Variants in PSD4 observed in about 807,000 individuals in gnomAD.
The protein encoded by PSD4 is PH and SEC7 domain-containing protein 4.
A neutral mutation model predicts 112.5 loss-of-function variants in PSD4; 59 were observed. The ratio of observed to expected loss-of-function variants is 0.52; its 90% confidence interval spans 0.43 to 0.65. The LOEUF (loss-of-function observed/expected upper bound fraction) is 0.65, where lower values mean the gene tolerates loss of function less well. Among genes scored for constraint, PSD4 ranks in the 30% least tolerant of loss-of-function variants. The probability of loss-of-function intolerance (pLI) is 0.00; values close to 1 mark genes in which losing one functional copy is unlikely to be tolerated. For synonymous variants in PSD4, 533 were observed against 540.0 expected, an observed-to-expected ratio of 0.99 and a Z score of 0.18; for missense variants, 1,267 against 1,352.6, an observed-to-expected ratio of 0.94 and a Z score of 0.99.
In PSD4 at chr2:113,201,325, G is replaced by C. The variant is rs567395358; in HGVS notation, c.3081G>C (p.Glu1027Asp). The change falls in exon 17 of 17, where the codon GAG becomes GAC. Residue 1027 changes from glutamate (E) to aspartate (D), a missense_variant. Physicochemically the swap from Glu to Asp is conservative, Grantham distance 45 (BLOSUM62 2). Transcript: ENST00000245796. ...CGAGCCCGTCCCTGCACCAGGATGA[G>C]GCTCCCACCACGGCCAAGGTGAAGC... ...SHSSPSLHQDEAPTTAKVKRN... is the reference protein window; with the variant it reads ...SHSSPSLHQDDAPTTAKVKRN... The C allele has an allele frequency of 1.2e-5, 20 of 1,614,210 alleles. No individual in the cohort carries two copies. In the South Asian group the frequency reaches 2.2e-4, roughly 18 times the overall value.
intron 15 of PSD4, 34 bp from the exon 16 acceptor site, chr2:113,199,049 C>T (rs1376616794): frequency 1.3e-6 from 2 of 1,514,220 alleles, no homozygotes; most frequent in South Asian, 1.2e-5. Context: ...AGGGGACGCC[C>T]GGGACAGCGC....
At position 113,197,654 on chromosome 2, in the gene PSD4, C is replaced by G. The variant is rs377454107; in HGVS notation, c.2457+20C>G. Reference sequence around the variant, plus strand: ...CTGAAGGTAGGAAAGGAGCCAACACCCCTGTCAGAATGGGAGACTGAGAGA... The same window carrying G: ...CTGAAGGTAGGAAAGGAGCCAACACGCCTGTCAGAATGGGAGACTGAGAGA... On this transcript the variant is annotated intron_variant, in intron 13 of 16. Transcript: ENST00000245796. The G allele has an allele frequency of 3.1e-6, 5 of 1,614,054 alleles. No individual in the cohort carries two copies. Among genetic ancestry groups the G allele is most frequent in the South Asian group, 1.1e-5 (1 of 91,076 alleles).
intron 10 of PSD4, 73 bp downstream of exon 10, chr2:113,194,021 G>A (rs1277471697): frequency 6.8e-7 from 1 of 1,468,774 alleles, no homozygotes. Flanking sequence ...CAAGGGAGAT[G>A]CTGAGCTTGG....
rs763748770 is a variant in PSD4, at chr2:113,185,780, A to C, written c.1250-97A>C. 5.8e-6 allele frequency: 9 copies of C among 1,551,560 alleles called. No homozygotes were observed. The Admixed American group carries it at 1.8e-4, about 30-fold the overall frequency. On this transcript the variant is annotated intron_variant, in intron 4 of 16. Coordinates refer to ENST00000245796, the MANE Select transcript of PSD4 (RefSeq NM_012455.3). ...AGGACAGGGCATGCTGCCAGGCTCC[A>C]GGGGAGGAGCCCCAGGGAGGGAGCC...
intron 5 of PSD4, among the ~76,000 whole-genome samples, chr2:113,189,773 A>G (rs1688400233): frequency 6.6e-6 from 1 of 152,168 alleles, no homozygotes; most frequent in Non-Finnish European, 1.5e-5. Flanking sequence ...AGTGATGTTG[A>G]GCATTTTTTC....
chr2:113,176,201 T>A (rs1219218494), intron 1 of PSD4, among the ~76,000 whole-genome samples: 1 of 152,046 alleles, frequency 6.6e-6, no homozygotes, highest in Non-Finnish European at 1.5e-5. Flanking sequence ...AGGCTGAGGG[T>A]GAAAAACAAA....
chr2:113,193,911 T>C lies in PSD4; in HGVS notation c.2144T>C (p.Leu715Pro), dbSNP rs1688528689. The change falls in exon 10 of 17, where the codon CTG (leucine) becomes CCG (proline). Residue 715 changes from leucine to proline, a missense_variant. By Grantham distance (98) the Leu-to-Pro change is moderately conservative. This residue lies in a region of PSD4 where 544 missense variants were observed against 648.6 expected (regional missense o/e 0.84). Transcript: ENST00000245796. ...CQEFITNLNGLRDGGNFPKEL... is the reference protein window; with the variant it reads ...CQEFITNLNGPRDGGNFPKEL... Reference sequence around the variant, plus strand: ...GAATTCATAACCAACCTGAATGGGCTGAGGGATGGCGGGAACTTCCCCAAG... The same window carrying C: ...GAATTCATAACCAACCTGAATGGGCCGAGGGATGGCGGGAACTTCCCCAAG... The C allele has an allele frequency of 6.2e-7, 1 of 1,614,110 alleles. No individual in the cohort carries two copies.
chr2:113,190,865 G>T (rs764302489), intron 5 of PSD4, among the ~76,000 whole-genome samples: 1 of 152,214 alleles, frequency 6.6e-6, no homozygotes, highest in Non-Finnish European at 1.5e-5. Flanking sequence ...TTTAGGCATT[G>T]TGTTTACTAT....
chr2:113,180,328 G>A (rs546739954), intron 1 of PSD4, among the ~76,000 whole-genome samples: 6 of 152,348 alleles, frequency 3.9e-5, no homozygotes, highest in African/African-American at 1.4e-4. Flanking sequence ...GTGGCAGGAC[G>A]AGGGTTTGAG....
intron 9 of PSD4, 49 bp from the exon 10 acceptor site, chr2:113,193,810 A>C (rs1451995431): frequency 1.9e-6 from 3 of 1,590,954 alleles, no homozygotes; most frequent in South Asian, 2.2e-5. Context: ...AGGTTATTCT[A>C]TTGGGATGGG....
intron 10 of PSD4, among the ~76,000 whole-genome samples, chr2:113,194,636 C>A (rs540617226): frequency 5.3e-5 from 8 of 152,334 alleles, no homozygotes; most frequent in African/African-American, 1.7e-4. Flanking sequence ...ATGGGATAGT[C>A]TATTGCTCCT....
Position 113,193,595 on chromosome 2 carries a change from C to A in PSD4, c.2036C>A (p.Ser679Tyr), listed in dbSNP as rs1688517769. ...CNPGIFPSVD[S>Y]VHTLTCAIML... ...CACTTACCTATCTCTGGGGTAGATT[C>A]TGTACACACCTTGACATGTGCAATC... Residue 679 changes from serine (S) to tyrosine (Y), a missense_variant, in exon 9 of 17, where the codon TCT (serine) becomes TAT (tyrosine). Ser to Tyr is a moderately radical substitution (Grantham distance 144). Around this residue, in one of 2 missense-constraint regions of PSD4, gnomAD observed 544 missense variants for 648.6 expected, o/e 0.84. Transcript: ENST00000245796. 1.2e-6 allele frequency: 2 copies of A among 1,613,232 alleles called. No homozygotes were observed. The highest frequency in any genetic ancestry group is 1.7e-6 in the Non-Finnish European group (2 of 1,179,172).
At chr2:113,192,273 T>G in intron 5 of PSD4, 107 bp from the exon 6 acceptor site, 2 of 1,080,878 alleles carry the variant, frequency 1.9e-6, no homozygotes, top group South Asian at 2.8e-5. Flanking sequence ...AGGGCCTGGG[T>G]CCAGCTCCTC....
chr2:113,191,539 T>C (rs1222060989), intron 5 of PSD4, among the ~76,000 whole-genome samples: 2 of 152,222 alleles, frequency 1.3e-5, no homozygotes, highest in South Asian at 2.1e-4. Flanking sequence ...CCCAAAGCAG[T>C]AGGATTACAG....
In PSD4 at chr2:113,201,151, G is replaced by T; in HGVS notation, c.2914-7G>T. 6.2e-7 allele frequency: 1 copy of T among 1,605,468 alleles called. No individual in the cohort carries two copies. On this transcript the variant is annotated splice_polypyrimidine_tract_variant and splice_region_variant and intron_variant, in intron 16 of 16. Coordinates refer to ENST00000245796, the MANE Select transcript of PSD4 (RefSeq NM_012455.3). The stretch of plus-strand genomic sequence containing the variant: ...GGTGCTAAGGTGGTGGGGCCTGTGT[G>T]TTGCAGAAAACCCGCTACGAGACCT...
At chr2:113,187,061 C>A (rs1474282586) in intron 5 of PSD4, among the ~76,000 whole-genome samples, 2 of 152,162 alleles carry the variant, frequency 1.3e-5, no homozygotes, top group Non-Finnish European at 2.9e-5. Flanking sequence ...ATGGTGGGGC[C>A]CGGAGGAGCT....
rs928977200 is a variant in PSD4, at chr2:113,192,432, C to A, written c.1681C>A (p.Pro561Thr). 6.8e-6 allele frequency: 11 copies of A among 1,614,126 alleles called. No individual in the cohort carries two copies. The highest frequency in any genetic ancestry group is 8.5e-6 in the Non-Finnish European group (10 of 1,180,054). Residue 561 changes from proline to threonine, a missense_variant, in exon 6 of 17, where the codon CCC becomes ACC. Coordinates refer to ENST00000245796, the MANE Select transcript of PSD4 (RefSeq NM_012455.3). The stretch of plus-strand genomic sequence containing the variant: ...TTCTTGGCTTCCTGGGAGCCCTATG[C>A]CCCAAGCACAGTCCCCAGAGGAAGG... ...NSSWLPGSPMPQAQSPEEGQR... is the reference protein window; with the variant it reads ...NSSWLPGSPMTQAQSPEEGQR...
Position 113,182,478 on chromosome 2 carries a change from C to A in PSD4, c.22C>A (p.Pro8Thr). The change falls in exon 2 of 17, where the codon CCT (proline) becomes ACT (threonine). Residue 8 changes from proline to threonine, a missense_variant. Around this residue, in one of 2 missense-constraint regions of PSD4, gnomAD observed 723 missense variants for 704.0 expected, o/e 1.03. Transcript: ENST00000245796. Reference sequence around the variant, plus strand: ...GTGGATGATGGGTGACTACAGACTCCCTGACCACCCCCAGCCCATGGAAAT... The same window carrying A: ...GTGGATGATGGGTGACTACAGACTCACTGACCACCCCCAGCCCATGGAAAT... MMGDYRL[P>T]DHPQPMEILN... The A allele has an allele frequency of 1.2e-6, 2 of 1,612,406 alleles. No homozygotes were observed. The highest frequency in any genetic ancestry group is 4.5e-5 in the East Asian group (2 of 44,826).
intron 5 of PSD4, 109 bp downstream of exon 5, chr2:113,186,364 A>G: frequency 8.3e-7 from 1 of 1,207,512 alleles, no homozygotes; most frequent in Non-Finnish European, 1.1e-6. Context: ...ACATACCCAT[A>G]TTTATTAAGC....
Sources: gnomAD v4.1 joint callset for allele counts (sites outside exome capture counted in the v4.1 genomes callset) on GRCh38, gnomAD v4.1.1 for gene constraint, gnomAD v4.1.1 regional missense constraint, MANE v1.5 for transcripts, NCBI Gene and HGNC (gene_info 2026-07-23, HGNC 2026-07-21) for gene names.